The following MRPS28 variants were observed in gnomAD, a reference collection of about 807,000 sequenced individuals.
The protein encoded by MRPS28 is small ribosomal subunit protein bS1m.
Under a neutral mutation model 10.8 loss-of-function variants are expected in MRPS28, and 7 were observed. The observed-to-expected ratio is 0.65, with a 90% confidence interval of 0.37 to 1.22. The LOEUF (loss-of-function observed/expected upper bound fraction) is 1.22, where lower values mean the gene tolerates loss of function less well. Ranked by LOEUF, MRPS28 falls within the 50% of genes most tolerant of loss-of-function variation. The probability of loss-of-function intolerance (pLI) is 0.02; values close to 1 mark genes in which losing one functional copy is unlikely to be tolerated. For synonymous variants in MRPS28, 121 were observed against 93.3 expected (o/e 1.30, Z -1.71); for missense variants, 265 against 232.9 (o/e 1.14, Z -0.90).
intron 2 of MRPS28, among the ~76,000 whole-genome samples, chr8:79,948,601 A>C (rs1313933180): frequency 6.6e-6 from 1 of 152,172 alleles, no homozygotes; most frequent in African/African-American, 2.4e-5. Context: ...GTTAATTTTA[A>C]GTTTTTTTTT....
intron 2 of MRPS28, among the ~76,000 whole-genome samples, chr8:79,928,984 T>G (rs1806384992): frequency 6.6e-6 from 1 of 152,132 alleles, no homozygotes; most frequent in South Asian, 2.1e-4. Context: ...AGGCGGAGAT[T>G]GCAGTTAGCC....
chr8:80,003,291 T>C, intron 1 of MRPS28, 111 bp from the exon 2 acceptor site: 2 of 845,700 alleles, frequency 2.4e-6, no homozygotes, highest in Admixed American at 3.6e-5. Context: ...TTAAAATATA[T>C]GTGGAATTTT....
intron 2 of MRPS28, among the ~76,000 whole-genome samples, chr8:79,938,231 G>C (rs1047749151): frequency 6.3e-5 from 9 of 143,200 alleles, no homozygotes; most frequent in Admixed American, 1.3e-4. Context: ...GACATAGGTG[G>C]GGGGGGGCAT....
intron 2 of MRPS28, among the ~76,000 whole-genome samples, chr8:79,995,875 A>T (rs1295190358): frequency 6.6e-6 from 1 of 152,238 alleles, no homozygotes; most frequent in East Asian, 1.9e-4. Flanking sequence ...GCATACTGGA[A>T]GAGGAAAATT....
At chr8:79,919,834 C>T (rs759742726) in intron 2 of MRPS28, among the ~76,000 whole-genome samples, 2 of 152,102 alleles carry the variant, frequency 1.3e-5, no homozygotes, top group Non-Finnish European at 2.9e-5. Flanking sequence ...TTTTAGGGTA[C>T]ATGTGCACAA....
At chr8:79,936,203 T>C (rs7828398) in intron 2 of MRPS28, among the ~76,000 whole-genome samples, 1,549 of 151,588 alleles carry the variant, frequency 0.01, 12 homozygotes, top group African/African-American at 0.015. Context: ...TGGCATGCTC[T>C]TGCAGTCCCA....
intron 2 of MRPS28, among the ~76,000 whole-genome samples, chr8:79,953,514 T>G (rs1807129906): frequency 6.6e-6 from 1 of 152,140 alleles, no homozygotes; most frequent in African/African-American, 2.4e-5. Flanking sequence ...GATAATCATA[T>G]GAAAAAAATG....
At chr8:79,981,818 CAG>C (rs779669972) in intron 2 of MRPS28, among the ~76,000 whole-genome samples, 1 of 152,168 alleles carries the variant, frequency 6.6e-6, no homozygotes, top group Non-Finnish European at 1.5e-5. Flanking sequence ...TCAAAAATGA[CAG>C]AGAGTAGCAT....
At chr8:79,968,451 T>C (rs1232930302) in intron 2 of MRPS28, among the ~76,000 whole-genome samples, 1 of 152,164 alleles carries the variant, frequency 6.6e-6, no homozygotes, top group Non-Finnish European at 1.5e-5. Flanking sequence ...TTGATTCTAG[T>C]AACCTGTCCA....
chr8:79,966,478 T>G (rs978596586), intron 2 of MRPS28, among the ~76,000 whole-genome samples: 2 of 152,068 alleles, frequency 1.3e-5, no homozygotes, highest in African/African-American at 2.4e-5. Context: ...TTAACAAATT[T>G]GAAAAACTGG....
chr8:80,023,617 C>A (rs1404014035), intron 1 of MRPS28, among the ~76,000 whole-genome samples: 2 of 152,074 alleles, frequency 1.3e-5, no homozygotes, highest in African/African-American at 2.4e-5. Context: ...TATAAACTGT[C>A]ATGTAACATC....
chr8:80,012,684 C>T (rs933965756), intron 1 of MRPS28, among the ~76,000 whole-genome samples: 1 of 152,186 alleles, frequency 6.6e-6, no homozygotes, highest in Admixed American at 6.5e-5. Flanking sequence ...TTCTGCTGTA[C>T]TATTTTCTCC....
chr8:80,029,776 C>T, intron 1 of MRPS28: 2 of 1,504,664 alleles, frequency 1.3e-6, no homozygotes. Flanking sequence ...CACCAGCATT[C>T]AATCCCAGGA....
At chr8:79,949,604 T>A (rs1052704930) in intron 2 of MRPS28, among the ~76,000 whole-genome samples, 3 of 152,168 alleles carry the variant, frequency 2.0e-5, no homozygotes, top group Admixed American at 2.0e-4. Flanking sequence ...ATATCTCCTA[T>A]AATCAGATAT....
chr8:79,956,452 A>G (rs1297443551), intron 2 of MRPS28: 2 of 152,190 alleles, frequency 1.3e-5, no homozygotes, highest in African/African-American at 4.8e-5. Context: ...TAAAGATACC[A>G]AAGACTACAA....
intron 2 of MRPS28, among the ~76,000 whole-genome samples, chr8:79,979,611 C>T (rs1480601632): frequency 6.6e-6 from 1 of 152,110 alleles, no homozygotes; most frequent in Non-Finnish European, 1.5e-5. Context: ...CCAGCTGCAA[C>T]CTTCCGGGCT....
intron 2 of MRPS28, among the ~76,000 whole-genome samples, chr8:79,941,420 CA>C (rs1271885225): frequency 7.0e-6 from 1 of 143,782 alleles, no homozygotes; most frequent in East Asian, 2.1e-4. Context: ...CTGTATATAA[CA>C]TTTTGTGTTG....
At chr8:79,923,257 T>C (rs1299587065) in intron 2 of MRPS28, among the ~76,000 whole-genome samples, 1 of 152,208 alleles carries the variant, frequency 6.6e-6, no homozygotes. Flanking sequence ...ACTGGCCTAA[T>C]GCCACACAGT....
chr8:79,934,544 T>A (rs1291999669), intron 2 of MRPS28, among the ~76,000 whole-genome samples: 1 of 152,200 alleles, frequency 6.6e-6, no homozygotes, highest in East Asian at 1.9e-4. Flanking sequence ...TAGGCTAACA[T>A]CCAGTACAAC....
Sources: gnomAD v4.1 joint callset for allele counts (sites outside exome capture counted in the v4.1 genomes callset) on GRCh38, gnomAD v4.1.1 for gene constraint, MANE v1.5 for transcripts, NCBI Gene and HGNC (gene_info 2026-07-23, HGNC 2026-07-21) for gene names.